Variants in GRB10 observed in about 807,000 individuals in gnomAD.
GRB10 encodes growth factor receptor bound protein 10.
Under a neutral mutation model 80.9 loss-of-function variants are expected in GRB10, and 20 were observed. That is an observed-to-expected ratio of 0.25 (90% confidence interval 0.17 to 0.36). The LOEUF (loss-of-function observed/expected upper bound fraction) is 0.36, where lower values mean the gene tolerates loss of function less well. Among genes scored for constraint, GRB10 ranks in the 10% least tolerant of loss-of-function variants. The probability of loss-of-function intolerance (pLI) is 1.00; values close to 1 mark genes in which losing one functional copy is unlikely to be tolerated. For missense variants in GRB10, 548 were observed against 747.7 expected (o/e 0.73, Z 3.12); for synonymous variants, 291 against 291.5 (o/e 1.00, Z 0.02).
Position 50,642,010 on chromosome 7 carries a change from G to A in GRB10, c.505-15032C>T, listed in dbSNP as rs575393438. 7.9e-5 allele frequency among the ~76,000 whole-genome samples: 12 copies of A among 152,326 alleles called. No homozygotes were observed. The East Asian group carries it at 1.2e-3, about 15-fold the overall frequency. On this transcript the variant is annotated intron_variant, in intron 7 of 18. Transcript: ENST00000401949. ...GTGGGGAGAAGGTGAGGAGTTCCGC[G>A]GCAGCGACAGAGGCTCTACATAGAG...
At chr7:50,640,573 A>T (rs2153606047) in intron 7 of GRB10, among the ~76,000 whole-genome samples, 1 of 152,264 alleles carries the variant, frequency 6.6e-6, no homozygotes, top group South Asian at 2.1e-4. Context: ...GAATTTATGC[A>T]TTTTCCCTTG....
intron 6 of GRB10, among the ~76,000 whole-genome samples, chr7:50,673,597 C>T (rs1282131946): frequency 6.6e-6 from 1 of 152,126 alleles, no homozygotes; most frequent in Non-Finnish European, 1.5e-5. Context: ...CATCCTCAGG[C>T]AGCGCACAAT....
At chr7:50,765,782 C>G (rs2076282194) in intron 2 of GRB10, among the ~76,000 whole-genome samples, 1 of 152,162 alleles carries the variant, frequency 6.6e-6, no homozygotes, top group Non-Finnish European at 1.5e-5. Flanking sequence ...AAGGTGACTA[C>G]CGTCTACAAT....
At chr7:50,632,715 A>G (rs2054231442) in intron 7 of GRB10, among the ~76,000 whole-genome samples, 1 of 152,152 alleles carries the variant, frequency 6.6e-6, no homozygotes, top group East Asian at 1.9e-4. Flanking sequence ...GGAGAACCAC[A>G]GGGTTGGGGG....
intron 2 of GRB10, among the ~76,000 whole-genome samples, chr7:50,768,160 G>A (rs1054440360): frequency 6.6e-6 from 1 of 152,134 alleles, no homozygotes; most frequent in Non-Finnish European, 1.5e-5. Flanking sequence ...CCTAGACACA[G>A]CCTCAGCTCC....
intron 3 of GRB10, among the ~76,000 whole-genome samples, chr7:50,754,099 C>G (rs187905424): frequency 6.6e-6 from 1 of 152,210 alleles, no homozygotes; most frequent in Non-Finnish European, 1.5e-5. Flanking sequence ...CCCGTGAGCA[C>G]GGCACTCCCT....
chr7:50,635,551 A>AGAAAC (rs1554504051), intron 7 of GRB10, among the ~76,000 whole-genome samples: 6 of 117,424 alleles, frequency 5.1e-5, no homozygotes, highest in African/African-American at 1.9e-4. Context: ...TGAGACCCCA[A>AGAAAC]AAAACAAAAC....
chr7:50,712,122 G>C (rs1433344976), intron 4 of GRB10, among the ~76,000 whole-genome samples: 1 of 152,134 alleles, frequency 6.6e-6, no homozygotes, highest in East Asian at 1.9e-4. Flanking sequence ...AAACATTAGT[G>C]AACTTGGTAA....
At chr7:50,739,155 T>C (rs2071310490) in intron 3 of GRB10, among the ~76,000 whole-genome samples, 1 of 152,202 alleles carries the variant, frequency 6.6e-6, no homozygotes, top group African/African-American at 2.4e-5. Context: ...AAGTTGAACG[T>C]CTTTGTGTTT....
intron 17 of GRB10, among the ~76,000 whole-genome samples, chr7:50,603,246 T>C (rs552224958): frequency 6.6e-6 from 1 of 152,306 alleles, no homozygotes; most frequent in East Asian, 1.9e-4. Flanking sequence ...CGGCCTTCTG[T>C]GGTAACTGCA....
chr7:50,749,134 G>GTTTTTTTTTTTTTTTTTTTGTTTTT (rs11405172), intron 3 of GRB10, among the ~76,000 whole-genome samples: 1 of 137,906 alleles, frequency 7.3e-6, no homozygotes, highest in Non-Finnish European at 1.5e-5. Flanking sequence ...TTTTTTGTTT[G>GTTTTTTTTTTTTTTTTTTTGTTTTT]TTTTTTTTTT....
exon 1 of GRB10, chr7:50,793,395 CG>C (rs1448780892): frequency 6.7e-6 from 1 of 148,774 alleles, no homozygotes; most frequent in Non-Finnish European, 1.5e-5. Context: ...TGGGCTCCAC[CG>C]GGTCTCCGAG....
At position 50,626,943 on chromosome 7, in the gene GRB10, T is replaced by C. The variant is rs759957560; in HGVS notation, c.540A>G (p.Lys180=). 1.2e-6 allele frequency: 2 copies of C among 1,614,120 alleles called. No individual in the cohort carries two copies. Among genetic ancestry groups the C allele is most frequent in the Non-Finnish European group, 1.7e-6 (2 of 1,180,010 alleles). The change falls in exon 8 of 19, where the codon AAA becomes AAG. Residue 180 remains lysine, a synonymous_variant. Coordinates refer to ENST00000401949, the MANE Select transcript of GRB10 (RefSeq NM_001350814.2). ...TCATGTCTGCTAGAATCTCCACCAC[T>C]TTGCTTGTCCCATCTTCACTAAAGA... ...VKVFSEDGTS[K]VVEILADMTA... is the part of the protein sequence containing the mutation.
At chr7:50,690,679 T>G (rs2062712335) in intron 5 of GRB10, among the ~76,000 whole-genome samples, 1 of 90,226 alleles carries the variant, frequency 1.1e-5, no homozygotes, top group Admixed American at 1.3e-4. Context: ...AATGAACGAA[T>G]GAACGAATGA....
At chr7:50,715,093 G>A (rs1454688674) in intron 4 of GRB10, among the ~76,000 whole-genome samples, 2 of 151,970 alleles carry the variant, frequency 1.3e-5, no homozygotes, top group African/African-American at 4.8e-5. Flanking sequence ...CCCTCCCACA[G>A]GTAGAGGGCA....
rs1305513693 is a variant in GRB10, at chr7:50,775,174, C to CAAAAAAAA, written c.-217+5445_-217+5452dup. The stretch of plus-strand genomic sequence containing the variant: ...AGATCCTGTCTCCAAAAAAAAAAAA[C>CAAAAAAAA]AAAAAAAAACAGTGGAACAGACAAA... On this transcript the variant is annotated intron_variant, in intron 2 of 18. Coordinates refer to ENST00000401949, the MANE Select transcript of GRB10 (RefSeq NM_001350814.2). 9.8e-5 allele frequency among the ~76,000 whole-genome samples: 7 copies of CAAAAAAAA among 71,452 alleles called. 1 individual carries two copies. Among genetic ancestry groups the CAAAAAAAA allele is most frequent in the African/African-American group, 1.4e-4 (3 of 20,710 alleles). 46.9% of individuals were successfully genotyped at this position (71,452 alleles called of 152,430 possible).
chr7:50,669,409 G>T (rs1276071532), intron 7 of GRB10, among the ~76,000 whole-genome samples: 1 of 152,114 alleles, frequency 6.6e-6, no homozygotes, highest in Non-Finnish European at 1.5e-5. Flanking sequence ...TAAACAACCA[G>T]ATCTCGTGAG....
At chr7:50,630,637 A>T (rs1055365370) in intron 7 of GRB10, among the ~76,000 whole-genome samples, 3 of 152,248 alleles carry the variant, frequency 2.0e-5, no homozygotes, top group African/African-American at 7.2e-5. Flanking sequence ...GGAACAATTC[A>T]GTCAGAAAAG....
intron 4 of GRB10, among the ~76,000 whole-genome samples, chr7:50,731,226 C>T (rs2069665896): frequency 6.6e-6 from 1 of 151,578 alleles, no homozygotes; most frequent in South Asian, 2.1e-4. Flanking sequence ...CCAATTTTGG[C>T]TTTGTGTCAC....
Sources: allele counts gnomAD v4.1 joint callset (sites outside exome capture counted in the v4.1 genomes callset), GRCh38; gene constraint gnomAD v4.1.1; transcripts MANE v1.5; gene names NCBI Gene and HGNC (gene_info 2026-07-23, HGNC 2026-07-21).